The following DST variants were observed in gnomAD, a reference collection of about 807,000 sequenced individuals.
DST encodes dystonin.
A neutral mutation model predicts 875.2 loss-of-function variants in DST; 253 were observed. The observed-to-expected ratio is 0.29, with a 90% confidence interval of 0.26 to 0.32. DST has a LOEUF of 0.32. Ranked by LOEUF, DST falls within the 10% of genes least tolerant of loss-of-function variation. DST has a pLI of 1.00. For missense variants in DST, 8,287 were observed against 9,111.6 expected (o/e 0.91, Z 3.68); for synonymous variants, 3,124 against 3,197.1 (o/e 0.98, Z 0.77).
intron 99 of DST, 46 bp from the exon 100 acceptor site, chr6:56,464,802 T>G: frequency 7.1e-7 from 1 of 1,400,448 alleles, no homozygotes. Flanking sequence ...AGAATACTGT[T>G]AGCAGAAGAA....
intron 10 of DST, among the ~76,000 whole-genome samples, chr6:56,658,511 C>T (rs2099022170): frequency 6.6e-6 from 1 of 152,122 alleles, no homozygotes; most frequent in Non-Finnish European, 1.5e-5. Context: ...AACTGATTTA[C>T]CCAAGATCTC....
chr6:56,663,384 T>C (rs944896892), intron 10 of DST, among the ~76,000 whole-genome samples: 36 of 152,362 alleles, frequency 2.4e-4, no homozygotes, highest in African/African-American at 7.7e-4. Flanking sequence ...TACTTTTTAA[T>C]TGATAACTTT....
Position 56,606,636 on chromosome 6 carries a change from CTCTTT to C in DST, c.7987_7991del (p.Lys2663GlufsTer2). On this transcript the variant is annotated frameshift_variant, in exon 40 of 104. Transcript: ENST00000680361. LOFTEE classifies it high-confidence loss of function. ...CCTGGGGAACCATGGAATTTTCATT[CTCTTT>C]TGAGACATCATAAAAAACATCAGCA... is the stretch of plus-strand genomic sequence containing the variant. 1 of 1,613,608 alleles carries C rather than the reference CTCTTT, an allele frequency of 6.2e-7. No individual in the cohort carries two copies. The highest frequency in any genetic ancestry group is 8.5e-7 in the Non-Finnish European group (1 of 1,179,634).
chr6:56,933,226 G>C (rs1428218764), intron 2 of DST, among the ~76,000 whole-genome samples: 1 of 152,166 alleles, frequency 6.6e-6, no homozygotes, highest in Non-Finnish European at 1.5e-5. Context: ...TTGCAAAACA[G>C]AAAATCTTTT....
At chr6:56,946,491 TATG>T (rs1819550155) in intron 2 of DST, among the ~76,000 whole-genome samples, 1 of 152,110 alleles carries the variant, frequency 6.6e-6, no homozygotes, top group South Asian at 2.1e-4. Flanking sequence ...AGGAAGCACA[TATG>T]ATGTTTATAG....
rs752954362 is a variant in DST at position 56,555,820 on chromosome 6, G to A, written c.14661C>T (p.Ala4887=). Reference sequence around the variant, plus strand: ...GCTGTTCATATTGAGGTTTCCGAGTGGCGAATTCTTGCAGCAAAATCTAAG... The same window carrying A: ...GCTGTTCATATTGAGGTTTCCGAGTAGCGAATTCTTGCAGCAAAATCTAAG... ...QQVQILLQEF[A]TRKPQYEQLT... The change falls in exon 60 of 104, where the codon GCC becomes GCT. Residue 4887 remains alanine (A), a synonymous_variant. Coordinates refer to ENST00000680361, the MANE Select transcript of DST (RefSeq NM_001374736.1). The A allele has an allele frequency of 3.6e-5, 54 of 1,495,976 alleles. No individual in the cohort carries two copies. Among genetic ancestry groups the A allele is most frequent in the Non-Finnish European group, 4.4e-5 (49 of 1,121,124 alleles). The allele number at this position is 1,495,976 out of a possible 1,614,324, so 92.7% of individuals were successfully genotyped here. A position where few individuals can be genotyped will look rare whatever the true frequency, so the allele number is the denominator to read the frequency against.
intron 5 of DST, among the ~76,000 whole-genome samples, chr6:56,706,021 G>A (rs1390985806): frequency 6.6e-6 from 1 of 152,178 alleles, no homozygotes. Context: ...AGAAAAACCT[G>A]TAAATACGCC....
chr6:56,525,737 T>G (rs1396464362), intron 69 of DST, among the ~76,000 whole-genome samples: 1 of 152,194 alleles, frequency 6.6e-6, no homozygotes, highest in Non-Finnish European at 1.5e-5. Context: ...TATTACGAAC[T>G]TCTATCTCCA....
intron 3 of DST, among the ~76,000 whole-genome samples, chr6:56,872,832 C>CT (rs1554220821): frequency 0.048 from 6,178 of 127,702 alleles, 314 homozygotes; most frequent in East Asian, 0.15. Flanking sequence ...TCCCCCCCCC[C>CT]TTTTTTTTTT....
intron 3 of DST, among the ~76,000 whole-genome samples, chr6:56,854,351 A>G (rs754587640): frequency 6.6e-6 from 1 of 152,100 alleles, no homozygotes; most frequent in African/African-American, 2.4e-5. Context: ...CCTGTAATCA[A>G]CAAAAGCCCC....
intron 4 of DST, among the ~76,000 whole-genome samples, chr6:56,751,930 T>C (rs1044545120): frequency 6.6e-6 from 1 of 152,060 alleles, no homozygotes; most frequent in Admixed American, 6.6e-5. Context: ...CAAAGCAAAT[T>C]ACTAAAAATG....
chr6:56,826,931 A>G (rs975786372), intron 4 of DST, among the ~76,000 whole-genome samples: 2 of 152,120 alleles, frequency 1.3e-5, no homozygotes, highest in African/African-American at 4.8e-5. Context: ...CTGTTTCCCC[A>G]TGTTCTTGCC....
intron 26 of DST, 51 bp from the exon 27 acceptor site, chr6:56,634,309 A>G: frequency 1.2e-6 from 2 of 1,612,902 alleles, no homozygotes; most frequent in Non-Finnish European, 1.7e-6. Context: ...CCCTCTGAAA[A>G]CACACTGCAA....
intron 96 of DST, 50 bp downstream of exon 96, chr6:56,470,078 G>A (rs749721940): frequency 6.9e-6 from 11 of 1,605,204 alleles, no homozygotes; most frequent in Non-Finnish European, 7.7e-6. Flanking sequence ...GCATGATATC[G>A]TGGCAGAACA....
At chr6:56,464,362 C>T (rs982876671) in intron 100 of DST, 8 of 367,796 alleles carry the variant, frequency 2.2e-5, no homozygotes, top group Non-Finnish European at 3.4e-5. Flanking sequence ...CATGCAATAA[C>T]AAACACCAGA....
intron 2 of DST, among the ~76,000 whole-genome samples, chr6:56,944,283 T>C (rs1818277801): frequency 6.6e-6 from 1 of 152,148 alleles, no homozygotes; most frequent in Non-Finnish European, 1.5e-5. Flanking sequence ...CAACATTTAC[T>C]GAGCTTCACT....
intron 54 of DST, 123 bp from the exon 55 acceptor site, chr6:56,568,718 G>A (rs935192289): frequency 3.3e-6 from 3 of 898,074 alleles, no homozygotes; most frequent in Admixed American, 3.3e-5. Flanking sequence ...TGAGGGAGTC[G>A]ATGAAAGAAA....
At position 56,609,719 on chromosome 6, in the gene DST, C is replaced by T. The variant is rs2098528256; in HGVS notation, c.5284-375G>A. Among the ~76,000 whole-genome samples, 3 of 151,986 alleles carry T rather than the reference C, an allele frequency of 2.0e-5. No homozygotes were observed. The South Asian group carries it at 6.2e-4, about 32-fold the overall frequency. On this transcript the variant is annotated intron_variant, in intron 39 of 103. Transcript: ENST00000680361. ...TTTAGGTGAGATTAGAGTCTAGTGG[C>T]AGGAAAGAGAGTATCAAACCCCATG... is the stretch of plus-strand genomic sequence containing the variant.
chr6:56,802,426 TA>T (rs1169069731), intron 4 of DST, among the ~76,000 whole-genome samples: 1 of 152,150 alleles, frequency 6.6e-6, no homozygotes, highest in Non-Finnish European at 1.5e-5. Context: ...AAGATTTTAA[TA>T]AATATTTTTG....
Sources: allele counts gnomAD v4.1 joint callset (sites outside exome capture counted in the v4.1 genomes callset), GRCh38; gene constraint gnomAD v4.1.1; transcripts MANE v1.5; gene names NCBI Gene and HGNC (gene_info 2026-07-23, HGNC 2026-07-21).